Variants in ADGRL2 observed in about 807,000 individuals in gnomAD.
ADGRL2 encodes the protein calcium-independent alpha-latrotoxin receptor 2.
ADGRL2 carries 44 observed loss-of-function variants against 157.4 expected under a neutral mutation model. That is an observed-to-expected ratio of 0.28 (90% CI 0.22 to 0.36). ADGRL2 has a LOEUF of 0.36. ADGRL2 is among the 10% of genes least tolerant of loss of function. The pLI is 1.00. For synonymous variants in ADGRL2, 585 were observed against 624.7 expected, an observed-to-expected ratio of 0.94 and a Z score of 0.95; for missense variants, 1,510 against 1,768.9, an observed-to-expected ratio of 0.85 and a Z score of 2.63.
chr1:81,524,283 G>T (rs564478357), intron 2 of ADGRL2, among the ~76,000 whole-genome samples: 1 of 151,922 alleles, frequency 6.6e-6, no homozygotes, highest in South Asian at 2.1e-4. Flanking sequence ...GGAGAATGGC[G>T]TAAACCTGGG....
At chr1:81,362,354 T>C (rs532600250) in intron 1 of ADGRL2, among the ~76,000 whole-genome samples, 5 of 151,708 alleles carry the variant, frequency 3.3e-5, no homozygotes, top group African/African-American at 1.2e-4. Context: ...CTTTTCATTA[T>C]GTTCAAGGTT....
At chr1:81,666,009 G>A (rs896746199) in intron 3 of ADGRL2, among the ~76,000 whole-genome samples, 2 of 152,094 alleles carry the variant, frequency 1.3e-5, no homozygotes, top group African/African-American at 4.8e-5. Context: ...GCTGGACTAA[G>A]GCAAAGTTGT....
chr1:81,774,143 T>C (rs903043028), intron 2 of ADGRL2, among the ~76,000 whole-genome samples: 4 of 139,698 alleles, frequency 2.9e-5, no homozygotes, highest in Admixed American at 1.4e-4. Flanking sequence ...ATGGCAGCCC[T>C]AGCAAATGAC....
chr1:81,827,612 C>A (rs574522565), intron 1 of ADGRL2, among the ~76,000 whole-genome samples: 25 of 152,258 alleles, frequency 1.6e-4, no homozygotes, highest in African/African-American at 6.0e-4. Flanking sequence ...GTCACCTGGG[C>A]TGGATTGCAG....
chr1:81,502,837 G>T, intron 2 of ADGRL2: 9 of 1,612,584 alleles, frequency 5.6e-6, no homozygotes, highest in Non-Finnish European at 6.8e-6. Flanking sequence ...CGCTGCCGAG[G>T]CCCCTGCCCT....
intron 2 of ADGRL2, among the ~76,000 whole-genome samples, chr1:81,482,731 A>G (rs1304166005): frequency 6.6e-6 from 1 of 152,058 alleles, no homozygotes; most frequent in Non-Finnish European, 1.5e-5. Flanking sequence ...TTGTAAATGT[A>G]AGATAATTTC....
chr1:81,327,954 G>GC (rs1478549415), intron 1 of ADGRL2, among the ~76,000 whole-genome samples: 1 of 152,096 alleles, frequency 6.6e-6, no homozygotes, highest in African/African-American at 2.4e-5. Context: ...TCATTTGACA[G>GC]CCCCCAGCTG....
At chr1:81,371,891 T>C (rs6685567) in intron 1 of ADGRL2, among the ~76,000 whole-genome samples, 2,244 of 152,220 alleles carry the variant, frequency 0.015, 55 homozygotes, top group African/African-American at 0.051. Flanking sequence ...CTAGCATGCT[T>C]AAATTACAAT....
intron 2 of ADGRL2, among the ~76,000 whole-genome samples, chr1:81,771,053 T>C (rs560226545): frequency 7.2e-5 from 11 of 152,294 alleles, no homozygotes; most frequent in African/African-American, 2.4e-4. Flanking sequence ...ATTTTTTTCT[T>C]ACATACTCTA....
rs145188562 is a variant in ADGRL2 at position 81,744,875 on chromosome 1, C to T, written c.-142-16936C>T. The stretch of plus-strand genomic sequence containing the variant: ...GAAATTATGTTTGAAGAATATGTTT[C>T]GTGTACTACTTGAGAGATGACAATG... On this transcript the variant is annotated intron_variant, in intron 1 of 20. Coordinates refer to the ADGRL2 transcript ENST00000359929. Among the ~76,000 whole-genome samples, 562 of 152,260 alleles carry T rather than the reference C, an allele frequency of 3.7e-3. 4 individuals are homozygous for T. The highest frequency in any genetic ancestry group is 0.013 in the African/African-American group (530 of 41,568).
chr1:81,582,853 G>A (rs1237569404), intron 3 of ADGRL2, among the ~76,000 whole-genome samples: 2 of 152,058 alleles, frequency 1.3e-5, no homozygotes, highest in African/African-American at 4.8e-5. Flanking sequence ...TAAGTACTCA[G>A]CTCCTCTTAA....
chr1:81,544,809 T>G (rs540955575), intron 2 of ADGRL2, among the ~76,000 whole-genome samples: 36 of 152,282 alleles, frequency 2.4e-4, no homozygotes, highest in Non-Finnish European at 3.8e-4. Flanking sequence ...AGATCAGAAT[T>G]TTTAGAAAGG....
chr1:81,902,218 G>A (rs626081), intron 2 of ADGRL2, among the ~76,000 whole-genome samples: 10,723 of 152,218 alleles, frequency 0.07, 1,132 homozygotes, highest in African/African-American at 0.23. Flanking sequence ...GGGTTGTGAG[G>A]ACCAGGGTTC....
intron 1 of ADGRL2, among the ~76,000 whole-genome samples, chr1:81,380,195 A>G (rs1266504838): frequency 6.6e-6 from 1 of 152,182 alleles, no homozygotes; most frequent in Non-Finnish European, 1.5e-5. Flanking sequence ...ACTGCTAATG[A>G]AGTGGACGTT....
At chr1:81,796,135 C>T (rs968500685), upstream of ADGRL2, among the ~76,000 whole-genome samples, 26 of 152,152 alleles carry the variant, frequency 1.7e-4, no homozygotes, top group African/African-American at 4.1e-4. Context: ...GGATTATAGG[C>T]GCCTGCCACC....
At chr1:81,881,924 A>G (rs184265784) in intron 2 of ADGRL2, among the ~76,000 whole-genome samples, 80 of 151,944 alleles carry the variant, frequency 5.3e-4, no homozygotes, top group Non-Finnish European at 9.0e-4. Context: ...CCTTTTCTCC[A>G]TTTCCTTTCA....
chr1:81,423,335 G>A lies in ADGRL2; in HGVS notation c.-301-21701G>A, dbSNP rs544532620. Among the ~76,000 whole-genome samples the A allele has an allele frequency of 9.2e-5, 14 of 152,316 alleles. 1 individual carries two copies. Among genetic ancestry groups the A allele is most frequent in the Admixed American group, 4.6e-4 (7 of 15,292 alleles). On this transcript the variant is annotated intron_variant, in intron 1 of 24. Coordinates refer to the ADGRL2 transcript ENST00000370721. Reference sequence around the variant, plus strand: ...CCAAATATCATTTAGGGGCATTAGAGGGTGAATGGAGCTGGCAGGCAGGCA... The same window carrying A: ...CCAAATATCATTTAGGGGCATTAGAAGGTGAATGGAGCTGGCAGGCAGGCA...
At chr1:81,527,337 T>C (rs1557429089) in intron 2 of ADGRL2, among the ~76,000 whole-genome samples, 1 of 152,160 alleles carries the variant, frequency 6.6e-6, no homozygotes, top group South Asian at 2.1e-4. Flanking sequence ...CCCAATGAGA[T>C]AATATTAAGA....
intron 2 of ADGRL2, among the ~76,000 whole-genome samples, chr1:81,571,807 A>G (rs1230075825): frequency 6.6e-6 from 1 of 152,168 alleles, no homozygotes; most frequent in Non-Finnish European, 1.5e-5. Flanking sequence ...GCTGACTTGA[A>G]TTCTCTAGAC....
Sources: gnomAD v4.1 joint callset for allele counts (sites outside exome capture counted in the v4.1 genomes callset) on GRCh38, gnomAD v4.1.1 for gene constraint, MANE v1.5 for transcripts, NCBI Gene and HGNC (gene_info 2026-07-23, HGNC 2026-07-21) for gene names.